Variants in WASF1 observed in about 807,000 individuals in gnomAD.
WASF1 encodes the protein WASP family member 1.
A neutral mutation model predicts 50.5 loss-of-function variants in WASF1; 7 were observed. The observed-to-expected ratio is 0.14, with a 90% CI of 0.08 to 0.26. The LOEUF (loss-of-function observed/expected upper bound fraction) is 0.26, where lower values mean the gene tolerates loss of function less well. Among genes scored for constraint, WASF1 ranks in the 10% least tolerant of loss-of-function variants. WASF1 has a pLI of 1.00. For synonymous variants in WASF1, 205 were observed against 244.0 expected (o/e 0.84, Z 1.49); for missense variants, 470 against 694.7 (o/e 0.68, Z 3.64).
At chr6:110,149,316 C>T (rs1401352568) in intron 3 of WASF1, among the ~76,000 whole-genome samples, 1 of 151,862 alleles carries the variant, frequency 6.6e-6, no homozygotes, top group East Asian at 1.9e-4. Context: ...TGTTCGCCTA[C>T]ATCGTTGCCA....
intron 3 of WASF1, among the ~76,000 whole-genome samples, chr6:110,137,689 CT>C (rs1238774560): frequency 6.6e-6 from 1 of 152,180 alleles, no homozygotes; most frequent in Non-Finnish European, 1.5e-5. Flanking sequence ...TCCCTCTGAC[CT>C]TTCTCACACA....
intron 3 of WASF1, among the ~76,000 whole-genome samples, chr6:110,146,883 A>G (rs973896671): frequency 3.3e-5 from 5 of 152,102 alleles, no homozygotes. Flanking sequence ...GAATCTCTAA[A>G]GGAGATTCAT....
chr6:110,103,264 T>C (rs2114450405), intron 9 of WASF1, 114 bp downstream of exon 9: 3 of 1,091,506 alleles, frequency 2.7e-6, no homozygotes, highest in Non-Finnish European at 3.9e-6. Flanking sequence ...CAGAATTGAG[T>C]ACTTGTGACA....
rs557364548 is a variant in WASF1 at position 110,144,314 on chromosome 6, G to GC, written c.-29+16320_-29+16321insG. Among the ~76,000 whole-genome samples, 23 of 152,140 alleles carry GC rather than the reference G, an allele frequency of 1.5e-4. No homozygotes were observed. In the South Asian group the frequency reaches 4.4e-3, roughly 29 times the overall value. ...TCCCCACTTGGTGATGGGGTTGTTT[G>GC]TTTTTTTCTTGTAAATTTGTTGGAG... is the stretch of plus-strand genomic sequence containing the variant. On this transcript the variant is annotated intron_variant, in intron 3 of 10. Coordinates refer to ENST00000392589, the MANE Select transcript of WASF1 (RefSeq NM_003931.3).
chr6:110,130,535 A>G (rs1774617284), intron 3 of WASF1, among the ~76,000 whole-genome samples: 1 of 152,174 alleles, frequency 6.6e-6, no homozygotes, highest in South Asian at 2.1e-4. Flanking sequence ...ACATTCATCC[A>G]TACTGCTCTG....
At chr6:110,154,071 C>T (rs750945086) in intron 3 of WASF1, among the ~76,000 whole-genome samples, 14 of 151,986 alleles carry the variant, frequency 9.2e-5, no homozygotes, top group African/African-American at 3.4e-4. Context: ...TGTGAACTCT[C>T]CTTTTCTATA....
chr6:110,116,272 C>T (rs1377785433), intron 4 of WASF1, among the ~76,000 whole-genome samples: 1 of 152,218 alleles, frequency 6.6e-6, no homozygotes. Flanking sequence ...ATTTCCCTTT[C>T]CTAGCCAAGG....
At chr6:110,110,678 C>A (rs1773514254) in intron 5 of WASF1, among the ~76,000 whole-genome samples, 1 of 152,012 alleles carries the variant, frequency 6.6e-6, no homozygotes, top group African/African-American at 2.4e-5. Context: ...TGCTTATAAA[C>A]ATAATTGACT....
chr6:110,164,247 T>C (rs1028413955), intron 2 of WASF1, among the ~76,000 whole-genome samples: 3 of 151,608 alleles, frequency 2.0e-5, no homozygotes. Context: ...GTTAAGACAA[T>C]GTTGAGAGAA....
chr6:110,104,869 T>G (rs1236387978), intron 8 of WASF1, among the ~76,000 whole-genome samples: 1 of 152,178 alleles, frequency 6.6e-6, no homozygotes, highest in East Asian at 1.9e-4. Flanking sequence ...TTGCTGGTAG[T>G]ATGTTATTTA....
chr6:110,126,761 A>C (rs569990898), intron 4 of WASF1, among the ~76,000 whole-genome samples: 2 of 152,284 alleles, frequency 1.3e-5, no homozygotes, highest in Admixed American at 1.3e-4. Flanking sequence ...TAAACTTAGA[A>C]TAGAAAATAA....
chr6:110,174,591 A>C (rs1011951603), intron 2 of WASF1, among the ~76,000 whole-genome samples: 3 of 152,210 alleles, frequency 2.0e-5, no homozygotes, highest in Admixed American at 6.5e-5. Flanking sequence ...GGCAGAACAA[A>C]CAACTTGTTC....
At chr6:110,106,645 T>C (rs1221620230) in intron 7 of WASF1, among the ~76,000 whole-genome samples, 1 of 152,220 alleles carries the variant, frequency 6.6e-6, no homozygotes, top group East Asian at 1.9e-4. Flanking sequence ...ATGTTTAGGA[T>C]GTGCTCTGTA....
At chr6:110,167,686 C>A (rs558572759) in intron 2 of WASF1, among the ~76,000 whole-genome samples, 35 of 152,072 alleles carry the variant, frequency 2.3e-4, no homozygotes, top group African/African-American at 7.5e-4. Flanking sequence ...CTATAACCCT[C>A]AAATAAGGTC....
intron 2 of WASF1, among the ~76,000 whole-genome samples, chr6:110,175,019 A>G (rs895705126): frequency 6.6e-6 from 1 of 152,180 alleles, no homozygotes; most frequent in African/African-American, 2.4e-5. Context: ...AGGAGTTCAC[A>G]GATTCACTTT....
intron 2 of WASF1, among the ~76,000 whole-genome samples, chr6:110,171,110 C>A (rs888282243): frequency 2.3e-4 from 35 of 152,222 alleles, no homozygotes; most frequent in African/African-American, 8.2e-4. Context: ...AGTACTTCAA[C>A]CAACAACAGC....
At chr6:110,171,334 C>T (rs759116394) in intron 2 of WASF1, among the ~76,000 whole-genome samples, 1 of 152,108 alleles carries the variant, frequency 6.6e-6, no homozygotes, top group Non-Finnish European at 1.5e-5. Context: ...CTAAATAACA[C>T]ATGGTTCAAA....
At chr6:110,166,724 A>G (rs995124288) in intron 2 of WASF1, among the ~76,000 whole-genome samples, 1 of 151,880 alleles carries the variant, frequency 6.6e-6, no homozygotes, top group Non-Finnish European at 1.5e-5. Context: ...ATGGGTTTGA[A>G]TCTTGGCTCT....
intron 3 of WASF1, among the ~76,000 whole-genome samples, chr6:110,148,127 C>T (rs953659441): frequency 6.6e-6 from 1 of 152,150 alleles, no homozygotes; most frequent in Non-Finnish European, 1.5e-5. Flanking sequence ...AACTAAGCTA[C>T]TTGAAAAACA....
Sources: gnomAD v4.1 joint callset for allele counts (sites outside exome capture counted in the v4.1 genomes callset) on GRCh38, gnomAD v4.1.1 for gene constraint, MANE v1.5 for transcripts, NCBI Gene and HGNC (gene_info 2026-07-23, HGNC 2026-07-21) for gene names.